The following MICAL3 variants were observed in gnomAD, a reference collection of about 807,000 sequenced individuals.
The protein encoded by MICAL3 is [F-actin]-monooxygenase MICAL3.
MICAL3 carries 62 observed loss-of-function variants against 207.4 expected under a neutral mutation model. The ratio of observed to expected loss-of-function variants is 0.30; its 90% CI spans 0.24 to 0.37. The LOEUF (loss-of-function observed/expected upper bound fraction) is 0.37, where lower values mean the gene tolerates loss of function less well. Ranked by LOEUF, MICAL3 falls within the 10% of genes least tolerant of loss-of-function variation. The pLI, the probability that MICAL3 is intolerant of heterozygous loss-of-function variation, is 1.00. For missense variants in MICAL3, 2,368 were observed against 2,635.6 expected (o/e 0.90, Z 2.22); for synonymous variants, 1,077 against 1,069.3 (o/e 1.01, Z -0.14).
chr22:17,812,093 G>A (rs553198947), intron 27 of MICAL3, among the ~76,000 whole-genome samples: 1 of 152,274 alleles, frequency 6.6e-6, no homozygotes, highest in Admixed American at 6.5e-5. Context: ...AACATGACTT[G>A]GGGTCTATAC....
At chr22:17,890,275 C>T (rs1291738392) in intron 12 of MICAL3, among the ~76,000 whole-genome samples, 1 of 152,188 alleles carries the variant, frequency 6.6e-6, no homozygotes, top group African/African-American at 2.4e-5. Context: ...TGCTGCTGAA[C>T]AGTGCCGCGC....
chr22:17,971,561 A>T (rs146672752), intron 1 of MICAL3, among the ~76,000 whole-genome samples: 1,932 of 151,980 alleles, frequency 0.013, 36 homozygotes, highest in African/African-American at 0.045. Context: ...CATCTAGCAT[A>T]CATCTAGCAT....
At chr22:17,889,652 TA>T (rs1051295499) in intron 12 of MICAL3, among the ~76,000 whole-genome samples, 11 of 152,096 alleles carry the variant, frequency 7.2e-5, no homozygotes, top group Admixed American at 2.6e-4. Flanking sequence ...TAATTCAAAT[TA>T]AAAATTAGCT....
At position 17,789,810 on chromosome 22, in the gene MICAL3, G is replaced by A. The variant is rs2061811098; in HGVS notation, c.*922C>T. Reference sequence around the variant, plus strand: ...CACAAACGAAGTTACTTCTTTTCAAGTATTAAAAAATAAGTTAATTGACAA... The same window carrying A: ...CACAAACGAAGTTACTTCTTTTCAAATATTAAAAAATAAGTTAATTGACAA... On this transcript the variant is annotated 3_prime_UTR_variant, in exon 32 of 32. Coordinates refer to ENST00000441493, the MANE Select transcript of MICAL3 (RefSeq NM_015241.3). 1 of 152,266 alleles carries A rather than the reference G, an allele frequency of 6.6e-6. No individual in the cohort carries two copies. Among genetic ancestry groups the A allele is most frequent in the African/African-American group, 2.4e-5 (1 of 41,474 alleles). 9.4% of individuals were successfully genotyped at this position (152,266 alleles called of 1,614,324 possible). A position where few individuals can be genotyped will look rare whatever the true frequency, so the allele number is the denominator to read the frequency against.
intron 29 of MICAL3, chr22:17,791,510 T>G (rs1336059153): frequency 3.4e-6 from 2 of 589,018 alleles, no homozygotes; most frequent in African/African-American, 3.7e-5. Context: ...CCATCCCTGT[T>G]CACCCCGTCA....
At chr22:17,987,036 G>A (rs1186814067) in intron 1 of MICAL3, among the ~76,000 whole-genome samples, 1 of 151,588 alleles carries the variant, frequency 6.6e-6, no homozygotes, top group East Asian at 1.9e-4. Context: ...CTAGGAGTTC[G>A]AGGCCAGCCT....
Position 17,901,003 on chromosome 22 carries a change from G to A in MICAL3, c.692-6C>T, listed in dbSNP as rs774534673. On this transcript the variant is annotated splice_region_variant and splice_polypyrimidine_tract_variant and intron_variant, in intron 5 of 31. Transcript: ENST00000441493. ...GAATTCTTTCCGACGAAACCCTGGAGGGAAATAAATTTTCAGAGGTGATAA... is the reference window on the plus strand; with the variant it reads ...GAATTCTTTCCGACGAAACCCTGGAAGGAAATAAATTTTCAGAGGTGATAA... The A allele has an allele frequency of 1.2e-6, 2 of 1,613,860 alleles. No individual in the cohort carries two copies. The highest frequency in any genetic ancestry group is 1.7e-6 in the Non-Finnish European group (2 of 1,179,766).
intron 1 of MICAL3, among the ~76,000 whole-genome samples, chr22:17,990,321 G>C (rs1445163512): frequency 6.6e-6 from 1 of 152,088 alleles, no homozygotes; most frequent in Non-Finnish European, 1.5e-5. Context: ...TGACTCACTG[G>C]ATAGTCTGGA....
At chr22:17,952,834 C>T (rs1934414490) in intron 1 of MICAL3, among the ~76,000 whole-genome samples, 1 of 152,198 alleles carries the variant, frequency 6.6e-6, no homozygotes, top group South Asian at 2.1e-4. Flanking sequence ...CCAGCTCTGT[C>T]CATGTGGCTC....
chr22:17,878,647 CT>C (rs1412048886), intron 16 of MICAL3, among the ~76,000 whole-genome samples: 1 of 152,182 alleles, frequency 6.6e-6, no homozygotes, highest in Non-Finnish European at 1.5e-5. Context: ...AGCTGCAGAG[CT>C]GTACCCACTT....
chr22:18,005,369 CG>C (rs1403225688), intron 1 of MICAL3: 1 of 152,134 alleles, frequency 6.6e-6, no homozygotes, highest in Non-Finnish European at 1.5e-5. Context: ...AGAGCATGAC[CG>C]TTTGGCTAAG....
intron 20 of MICAL3, among the ~76,000 whole-genome samples, chr22:17,835,110 C>T (rs969056546): frequency 3.3e-5 from 5 of 152,222 alleles, no homozygotes; most frequent in African/African-American, 9.6e-5. Context: ...ATAGATGCCC[C>T]GAGATGAGGC....
chr22:17,884,533 A>G (rs1433121333), intron 16 of MICAL3, among the ~76,000 whole-genome samples: 1 of 152,248 alleles, frequency 6.6e-6, no homozygotes, highest in Non-Finnish European at 1.5e-5. Context: ...AGCAAAGCTA[A>G]CAGCCTCCCC....
At chr22:17,949,092 C>T (rs1934213306) in intron 1 of MICAL3, among the ~76,000 whole-genome samples, 1 of 150,568 alleles carries the variant, frequency 6.6e-6, no homozygotes, top group African/African-American at 2.5e-5. Context: ...TGCCTGTAGT[C>T]TCAGCTACTC....
intron 16 of MICAL3, chr22:17,876,847 G>A (rs199505798): frequency 1.6e-4 from 9 of 57,856 alleles, no homozygotes; most frequent in East Asian, 6.9e-4. Context: ...AGGGAGGTTA[G>A]GGAGGTTATG....
chr22:17,911,859 G>A (rs1932166793), intron 1 of MICAL3, among the ~76,000 whole-genome samples: 1 of 152,142 alleles, frequency 6.6e-6, no homozygotes, highest in South Asian at 2.1e-4. Flanking sequence ...AAAAGTAGGT[G>A]GAGAGGAACA....
chr22:17,992,418 G>T (rs1335878634), intron 1 of MICAL3, among the ~76,000 whole-genome samples: 1 of 152,186 alleles, frequency 6.6e-6, no homozygotes, highest in Non-Finnish European at 1.5e-5. Context: ...AGCACTCTAC[G>T]TCCAGGGCTT....
At chr22:17,922,072 C>A (rs1932811503) in intron 1 of MICAL3, among the ~76,000 whole-genome samples, 1 of 152,120 alleles carries the variant, frequency 6.6e-6, no homozygotes, top group Non-Finnish European at 1.5e-5. Context: ...GCTCAGCATT[C>A]CGGACCTCAC....
chr22:17,881,360 A>T lies in MICAL3; in HGVS notation c.2241+4518T>A, dbSNP rs1929414618. 2.1e-6 allele frequency: 3 copies of T among 1,427,418 alleles called. No homozygotes were observed. The Admixed American group carries it at 5.7e-5, about 27-fold the overall frequency. 88.4% of individuals were successfully genotyped at this position (1,427,418 alleles called of 1,614,324 possible). ...CATCATTCAAACAGTGGCCATGTGG[A>T]AGCTGGTTCTGGGAGGACTGAAGGG... On this transcript the variant is annotated intron_variant, in intron 16 of 31. Coordinates refer to ENST00000441493, the MANE Select transcript of MICAL3 (RefSeq NM_015241.3).
Sources: gnomAD v4.1 joint callset for allele counts (sites outside exome capture counted in the v4.1 genomes callset) on GRCh38, gnomAD v4.1.1 for gene constraint, MANE v1.5 for transcripts, NCBI Gene and HGNC (gene_info 2026-07-23, HGNC 2026-07-21) for gene names.